The following PFKFB4 variants were observed in gnomAD, a reference collection of about 807,000 sequenced individuals.
PFKFB4 encodes the protein 6-phosphofructo-2-kinase/fructose-2,6-bisphosphatase 4.
Under a neutral mutation model 62.8 loss-of-function variants are expected in PFKFB4, and 42 were observed. That is an observed-to-expected ratio of 0.67 (90% CI 0.52 to 0.86). PFKFB4 has a LOEUF of 0.86. PFKFB4 is among the 40% of genes least tolerant of loss of function. The probability of loss-of-function intolerance (pLI) is 0.00; values close to 1 mark genes in which losing one functional copy is unlikely to be tolerated. For synonymous variants in PFKFB4, 204 were observed against 240.7 expected, an observed-to-expected ratio of 0.85 and a Z score of 1.41; for missense variants, 475 against 627.2, an observed-to-expected ratio of 0.76 and a Z score of 2.59.
At chr3:48,546,189 C>G (rs759687450) in intron 3 of PFKFB4, among the ~76,000 whole-genome samples, 2 of 152,142 alleles carry the variant, frequency 1.3e-5, no homozygotes, top group South Asian at 4.1e-4. Context: ...CAGGTGCACA[C>G]ACACGAGCGT....
chr3:48,553,496 T>G lies in PFKFB4; in HGVS notation c.97+3185A>C, dbSNP rs1262438149. ...CCAAAAAAAAAAAAGAACACACTGT[T>G]TATAACATTGAGCATGTGCGGAAGG... On this transcript the variant is annotated intron_variant, in intron 1 of 13. Transcript: ENST00000232375. Among the ~76,000 whole-genome samples, 4 of 151,742 alleles carry G rather than the reference T, an allele frequency of 2.6e-5. No individual in the cohort carries two copies. The South Asian group carries it at 8.3e-4, about 31-fold the overall frequency.
chr3:48,539,533 C>T, intron 5 of PFKFB4, 164 bp downstream of exon 5: 1 of 730,158 alleles, frequency 1.4e-6, no homozygotes, highest in Non-Finnish European at 2.4e-6. Flanking sequence ...CCCCTTCCCT[C>T]TGGAAAGCAA....
In PFKFB4 at chr3:48,536,382, G is replaced by C; in HGVS notation, c.714C>G (p.Ile238Met). 1 of 1,614,184 alleles carries C rather than the reference G, an allele frequency of 6.2e-7. No individual in the cohort carries two copies. Among genetic ancestry groups the C allele is most frequent in the South Asian group, 1.1e-5 (1 of 91,086 alleles). The change falls in exon 8 of 14, where the codon ATC becomes ATG. Residue 238 changes from isoleucine to methionine, a missense_variant. Transcript: ENST00000232375. Reference sequence around the variant, plus strand: ...CGTGGATGTTCATGAGGTAATATACGATGCGGCTCTGGATGTGGTCAGCCA... The same window carrying C: ...CGTGGATGTTCATGAGGTAATATACCATGCGGCTCTGGATGTGGTCAGCCA... ...NRVADHIQSR[I>M]VYYLMNIHVT... is the part of the protein sequence containing the mutation.
intron 3 of PFKFB4, among the ~76,000 whole-genome samples, chr3:48,543,945 T>C (rs1355402650): frequency 3.3e-5 from 5 of 152,214 alleles, no homozygotes; most frequent in Middle Eastern, 6.8e-3. Flanking sequence ...TTGTGCCACA[T>C]TCATGATTTC....
At chr3:48,524,868 T>C (rs2042208424) in intron 10 of PFKFB4, among the ~76,000 whole-genome samples, 1 of 152,124 alleles carries the variant, frequency 6.6e-6, no homozygotes, top group South Asian at 2.1e-4. Context: ...TGACCCTCAG[T>C]TTCTGACCTG....
Position 48,550,187 on chromosome 3 carries a change from C to A in PFKFB4, c.145G>T (p.Ala49Ser), listed in dbSNP as rs372258983. 1.2e-5 allele frequency: 20 copies of A among 1,614,136 alleles called. No individual in the cohort carries two copies. Among genetic ancestry groups the A allele is most frequent in the East Asian group, 1.1e-4 (5 of 44,874 alleles). Reference sequence around the variant, plus strand: ...TTGGAGATGTAGGTCTTGCCCCTGGCGGGCAGGCCCACCATGACAATGAGA... The same window carrying A: ...TTGGAGATGTAGGTCTTGCCCCTGGAGGGCAGGCCCACCATGACAATGAGA... ...PTLIVMVGLP[A>S]RGKTYISKKL... Residue 49 changes from alanine to serine, a missense_variant, in exon 2 of 14, where the codon GCC (alanine) becomes TCC (serine). By Grantham distance (99) the Ala-to-Ser change is moderately conservative. Transcript: ENST00000232375.
chr3:48,539,107 A>G, intron 6 of PFKFB4, 147 bp downstream of exon 6: 1 of 696,540 alleles, frequency 1.4e-6, no homozygotes, highest in South Asian at 1.7e-5. Context: ...TGATCCACAG[A>G]GGGCGAGGCA....
At chr3:48,547,053 T>C (rs1038956268) in intron 3 of PFKFB4, among the ~76,000 whole-genome samples, 3 of 152,174 alleles carry the variant, frequency 2.0e-5, no homozygotes, top group Non-Finnish European at 4.4e-5. Context: ...AGTCCAGCTA[T>C]ATGCCAAGTC....
upstream of PFKFB4, among the ~76,000 whole-genome samples, chr3:48,560,508 C>T (rs1437956164): frequency 6.6e-6 from 1 of 152,204 alleles, no homozygotes; most frequent in African/African-American, 2.4e-5. Context: ...CAGCCTGCCA[C>T]AGGGCGTACA....
At chr3:48,561,162 T>C (rs1262849717), upstream of PFKFB4, 1 of 1,110,590 alleles carries the variant, frequency 9.0e-7, no homozygotes, top group Admixed American at 2.7e-5. The surrounding 1 kb of genome is among the most constrained non-coding windows in gnomAD (Gnocchi z 5.2). Flanking sequence ...AGCTCCAGAG[T>C]GGGGTAACCC....
intron 4 of PFKFB4, among the ~76,000 whole-genome samples, chr3:48,540,617 A>C (rs1575383322): frequency 1.3e-5 from 2 of 151,958 alleles, no homozygotes. Context: ...TTATTTAAAA[A>C]AAATTTTTTT....
upstream of PFKFB4, among the ~76,000 whole-genome samples, chr3:48,558,012 C>T (rs2043371652): frequency 2.0e-5 from 3 of 151,994 alleles, no homozygotes; most frequent in South Asian, 4.1e-4. Flanking sequence ...ATTTTCTCTT[C>T]AGGAAAATGG....
chr3:48,524,044 T>C (rs775211333), intron 10 of PFKFB4, among the ~76,000 whole-genome samples: 4 of 152,092 alleles, frequency 2.6e-5, no homozygotes, highest in African/African-American at 9.7e-5. Context: ...CCTGGTAGGA[T>C]TGAGAGCGCA....
upstream of PFKFB4, among the ~76,000 whole-genome samples, chr3:48,557,171 C>G (rs2043349546): frequency 6.6e-6 from 1 of 152,254 alleles, no homozygotes; most frequent in Non-Finnish European, 1.5e-5. Context: ...CCTACGGGCT[C>G]CGCCCTGGCG....
chr3:48,556,829 C>T (rs1220467748), upstream of PFKFB4: 1 of 1,539,828 alleles, frequency 6.5e-7, no homozygotes, highest in Non-Finnish European at 8.7e-7. The surrounding 1 kb of genome is among the most constrained non-coding windows in gnomAD (Gnocchi z 5.7). Context: ...GCAGCCGGGC[C>T]ACCTCGGGCC....
At chr3:48,538,380 A>T in intron 7 of PFKFB4, 118 bp downstream of exon 7, 1 of 1,281,670 alleles carries the variant, frequency 7.8e-7, no homozygotes, top group Non-Finnish European at 1.1e-6. Flanking sequence ...AAGAAAGGTC[A>T]GACCATCTCT....
In PFKFB4 at chr3:48,539,111, C is replaced by T. The variant is rs964563088; in HGVS notation, c.510+143G>A. 10 of 706,658 alleles carry T rather than the reference C, an allele frequency of 1.4e-5. 1 individual carries two copies. The highest frequency in any genetic ancestry group is 5.2e-5 in the African/African-American group (3 of 57,350). The allele number at this position is 706,658 out of a possible 1,614,324, so 43.8% of individuals were successfully genotyped here. On this transcript the variant is annotated intron_variant, in intron 6 of 13. Transcript: ENST00000232375. ...GCCTTCCACAGTGATCCACAGAGGGCGAGGCATACCTGACCCAGCATTTGA... is the reference window on the plus strand; with the variant it reads ...GCCTTCCACAGTGATCCACAGAGGGTGAGGCATACCTGACCCAGCATTTGA...
upstream of PFKFB4, chr3:48,557,105 C>G (rs1046282362): frequency 2.6e-5 from 14 of 547,900 alleles, 1 homozygote; most frequent in East Asian, 9.6e-4. Flanking sequence ...CAGGCCCGCC[C>G]CGGATGCGCA....
intron 7 of PFKFB4, chr3:48,536,806 C>T (rs1164072930): frequency 3.3e-6 from 1 of 304,244 alleles, no homozygotes; most frequent in East Asian, 6.8e-5. Flanking sequence ...TATCTCCGCA[C>T]TCTCAATACA....
Sources: gnomAD v4.1 joint callset for allele counts (sites outside exome capture counted in the v4.1 genomes callset) on GRCh38, gnomAD v4.1.1 for gene constraint, Gnocchi (gnomAD v3.1) non-coding constraint, MANE v1.5 for transcripts, NCBI Gene and HGNC (gene_info 2026-07-23, HGNC 2026-07-21) for gene names.